Variants in COL4A4 observed in about 807,000 individuals in gnomAD.
COL4A4 encodes the protein collagen alpha-4(IV) chain.
COL4A4 carries 105 observed loss-of-function variants against 192.9 expected under a neutral mutation model. The observed-to-expected ratio is 0.54, with a 90% CI of 0.46 to 0.64. COL4A4 has a LOEUF of 0.64. Ranked by LOEUF, COL4A4 falls within the 30% of genes least tolerant of loss-of-function variation. The probability of loss-of-function intolerance (pLI) is 0.00; values close to 1 mark genes in which losing one functional copy is unlikely to be tolerated. For missense variants in COL4A4, 1,967 were observed against 2,169.3 expected (o/e 0.91, Z 1.85); for synonymous variants, 762 against 769.9 (o/e 0.99, Z 0.17).
intron 21 of COL4A4, among the ~76,000 whole-genome samples, chr2:227,089,504 T>C (rs1000875396): frequency 6.6e-6 from 1 of 150,794 alleles, no homozygotes; most frequent in African/African-American, 2.4e-5. Flanking sequence ...AATACTGTCC[T>C]ATCACTGCCA....
Position 227,098,373 on chromosome 2 carries a change from C to T in COL4A4, c.1204+321G>A, listed in dbSNP as rs540859950. Among the ~76,000 whole-genome samples, 37 of 152,252 alleles carry T rather than the reference C, an allele frequency of 2.4e-4. 2 individuals carry two copies. In the South Asian group the frequency reaches 7.5e-3, roughly 31 times the overall value. Reference sequence around the variant, plus strand: ...TTATACATACATATTCCTTACAACACCCCTATGATATTGATTGAATGTTCT... The same window carrying T: ...TTATACATACATATTCCTTACAACATCCCTATGATATTGATTGAATGTTCT... On this transcript the variant is annotated intron_variant, in intron 19 of 47. Coordinates refer to ENST00000396625, the MANE Select transcript of COL4A4 (RefSeq NM_000092.5).
chr2:226,989,908 T>C, the COL4A4 span, among the ~76,000 whole-genome samples: 1 of 152,242 alleles, frequency 6.6e-6, no homozygotes, highest in African/African-American at 2.4e-5. Flanking sequence ...CTTCTTGTTT[T>C]GAGATTCCAG....
At chr2:227,026,714 T>C (rs558498084) in intron 42 of COL4A4, among the ~76,000 whole-genome samples, 9 of 152,280 alleles carry the variant, frequency 5.9e-5, no homozygotes, top group Middle Eastern at 3.4e-3. Flanking sequence ...TGTTTGCCCC[T>C]TCTCTCCCCA....
chr2:227,008,234 G>A lies in COL4A4; in HGVS notation c.4593C>T (p.Cys1531=). ...PFAYCNIHQV[C]HYAQRNDRSY... Reference sequence around the variant, plus strand: ...ATCTGTCGTTTCTCTGGGCATAGTGGCACACCTGGTGGATGTTGCAGTAGG... The same window carrying A: ...ATCTGTCGTTTCTCTGGGCATAGTGACACACCTGGTGGATGTTGCAGTAGG... The change falls in exon 47 of 48, where the codon TGC becomes TGT. Residue 1531 remains cysteine (C), a synonymous_variant. Transcript: ENST00000396625. The A allele has an allele frequency of 1.9e-6, 3 of 1,614,242 alleles. No individual in the cohort carries two copies. Among genetic ancestry groups the A allele is most frequent in the Non-Finnish European group, 2.5e-6 (3 of 1,180,048 alleles).
intron 15 of COL4A4, among the ~76,000 whole-genome samples, chr2:227,102,304 A>T (rs2150781948): frequency 2.0e-5 from 3 of 152,332 alleles, no homozygotes; most frequent in Middle Eastern, 6.8e-3. Context: ...GGAAACCAAT[A>T]TTTCCCCATT....
At chr2:227,154,836 T>C (rs1013402434) in intron 1 of COL4A4, among the ~76,000 whole-genome samples, 4 of 152,194 alleles carry the variant, frequency 2.6e-5, no homozygotes, top group Non-Finnish European at 5.9e-5. Context: ...GAGGGCTACA[T>C]TTTTTTCTGT....
At chr2:227,080,856 G>A (rs1015248618) in intron 23 of COL4A4, among the ~76,000 whole-genome samples, 7 of 152,208 alleles carry the variant, frequency 4.6e-5, no homozygotes, top group African/African-American at 1.4e-4. Flanking sequence ...CCTGGCCATG[G>A]GAAAGGGGGA....
chr2:227,086,647 C>T (rs1291100421), intron 22 of COL4A4, among the ~76,000 whole-genome samples: 2 of 152,118 alleles, frequency 1.3e-5, no homozygotes, highest in Non-Finnish European at 2.9e-5. Flanking sequence ...CATAGAGCAA[C>T]TGAATTAAGT....
intron 26 of COL4A4, among the ~76,000 whole-genome samples, chr2:227,062,109 G>A (rs1371815998): frequency 6.6e-6 from 1 of 151,914 alleles, no homozygotes; most frequent in African/African-American, 2.4e-5. Context: ...ACGGTGGCGG[G>A]TACCTGTAGT....
At chr2:227,018,969 T>C (rs187303653) in intron 44 of COL4A4, among the ~76,000 whole-genome samples, 86 of 152,368 alleles carry the variant, frequency 5.6e-4, no homozygotes, top group Middle Eastern at 3.4e-3. Flanking sequence ...GTGTAAAGAA[T>C]TGACCCATTC....
chr2:226,978,655 A>G, the COL4A4 span, among the ~76,000 whole-genome samples: 4 of 152,232 alleles, frequency 2.6e-5, no homozygotes, highest in Non-Finnish European at 5.9e-5. Flanking sequence ...CATGGAGCTC[A>G]CAACGCAGTG....
At chr2:227,066,513 A>C (rs1452333325) in intron 25 of COL4A4, among the ~76,000 whole-genome samples, 2 of 152,246 alleles carry the variant, frequency 1.3e-5, no homozygotes, top group African/African-American at 4.8e-5. Flanking sequence ...CTAACAGTGG[A>C]TCTTTCGGCA....
chr2:227,082,016 T>C, intron 23 of COL4A4, 99 bp downstream of exon 23: 1 of 1,041,292 alleles, frequency 9.6e-7, no homozygotes, highest in East Asian at 2.4e-5. Context: ...TCCTAAATTG[T>C]ATAGAATTGA....
At position 227,080,480 on chromosome 2, in the gene COL4A4, T is replaced by A. The variant is rs375225723; in HGVS notation, c.1766A>T (p.Asp589Val). 6.2e-7 allele frequency: 1 copy of A among 1,614,092 alleles called. No individual in the cohort carries two copies. The highest frequency in any genetic ancestry group is 1.3e-5 in the African/African-American group (1 of 75,006). The part of the protein sequence containing the change: ...FPGQPGSHGR[D>V]GHAGEKGDPG... ...ATCCCCTTTTTCTCCAGCATGTCCA[T>A]CCCGACCATGTGATCCTGGCTGCCC... is the stretch of plus-strand genomic sequence containing the variant. Residue 589 changes from aspartate (D) to valine (V), a missense_variant, in exon 24 of 48, where the codon GAT (aspartate) becomes GTT (valine). Physicochemically the swap from Asp to Val is radical, Grantham distance 152 (BLOSUM62 -3). Transcript: ENST00000396625.
At chr2:227,021,670 A>G (rs1424449369) in intron 44 of COL4A4, among the ~76,000 whole-genome samples, 1 of 151,996 alleles carries the variant, frequency 6.6e-6, no homozygotes, top group African/African-American at 2.4e-5. Flanking sequence ...CTAAAAATAC[A>G]AAAAATTAGC....
At chr2:226,975,767 T>G in the COL4A4 span, among the ~76,000 whole-genome samples, 7 of 152,208 alleles carry the variant, frequency 4.6e-5, no homozygotes, top group South Asian at 2.1e-4. Context: ...TATTAAAAGT[T>G]ATGATGATGC....
At chr2:227,066,258 A>G (rs1229216092) in intron 25 of COL4A4, among the ~76,000 whole-genome samples, 1 of 152,202 alleles carries the variant, frequency 6.6e-6, no homozygotes, top group African/African-American at 2.4e-5. Flanking sequence ...CCTGAAAGTG[A>G]CAGGGAGAAT....
chr2:226,995,483 A>T, the COL4A4 span: 1 of 1,613,468 alleles, frequency 6.2e-7, no homozygotes, highest in Admixed American at 1.7e-5. Flanking sequence ...CACCAGAAGA[A>T]ATGAGGAGAC....
chr2:227,030,483 G>C lies in COL4A4; in HGVS notation c.3933C>G (p.Tyr1311Ter), dbSNP rs1433065763. The C allele has an allele frequency of 4.3e-6, 7 of 1,614,158 alleles. No individual in the cohort carries two copies. Among genetic ancestry groups the C allele is most frequent in the Middle Eastern group, 1.6e-4 (1 of 6,062 alleles). ...TTCCATCACATCCTGGAAAGCCTTT[G>C]TATCCTGGAGGGCCTGGTGGGCCAG... Reference protein sequence around the residue: ...GPPGPPGPPGYKGFPGCDGKD... With the variant: ...GPPGPPGPPG Residue 1311 changes from tyrosine to a stop codon, truncating the protein, a stop_gained, in exon 41 of 48, where the codon TAC (tyrosine) becomes TAG (stop). Coordinates refer to ENST00000396625, the MANE Select transcript of COL4A4 (RefSeq NM_000092.5). LOFTEE classifies it high-confidence loss of function.
Sources: allele counts gnomAD v4.1 joint callset (sites outside exome capture counted in the v4.1 genomes callset), GRCh38; gene constraint gnomAD v4.1.1; transcripts MANE v1.5; gene names NCBI Gene and HGNC (gene_info 2026-07-23, HGNC 2026-07-21).